MED16: variants seen among roughly 807,000 people sequenced by gnomAD.
MED16 encodes the protein mediator of RNA polymerase II transcription subunit 16.
MED16 carries 81 observed loss-of-function variants against 84.4 expected under a neutral mutation model. That is an observed-to-expected ratio of 0.96 (90% CI 0.80 to 1.15). The LOEUF (loss-of-function observed/expected upper bound fraction) is 1.15. Ranked by LOEUF, MED16 falls within the 50% of genes most tolerant of loss-of-function variation. The pLI, the probability that MED16 is intolerant of heterozygous loss-of-function variation, is 0.00. For missense variants in MED16, 1,585 were observed against 1,245.9 expected (o/e 1.27, Z -4.10); for synonymous variants, 897 against 552.2 (o/e 1.62, Z -8.76).
intron 11 of MED16, chr19:872,882 G>T: frequency 1.2e-6 from 1 of 864,868 alleles, no homozygotes; most frequent in Non-Finnish European, 1.4e-6. Context: ...AGAATGGGCA[G>T]GAAGGGTGTG....
intron 13 of MED16, among the ~76,000 whole-genome samples, chr19:869,455 T>C (rs1390476172): frequency 3.3e-5 from 5 of 152,112 alleles, no homozygotes; most frequent in African/African-American, 9.7e-5. Context: ...TGGGCCGGCT[T>C]ATTCTGCTCT....
Position 877,203 on chromosome 19 carries a change from A to AGAGCCCGGTGAGATGGGGCT in MED16, c.1354-43_1354-24dup. On this transcript the variant is annotated intron_variant, in intron 8 of 15. Transcript: ENST00000325464. ...CAGCTGCCAGAGACAGAGCCCAAGGAGAGCCCGGTGAGATGGGGCTGCGCC... is the reference window on the plus strand; with the variant it reads ...CAGCTGCCAGAGACAGAGCCCAAGGAGAGCCCGGTGAGATGGGGCTGAGCCCGGTGAGATGGGGCTGCGCC... The AGAGCCCGGTGAGATGGGGCT allele has an allele frequency of 3.1e-6, 5 of 1,593,094 alleles. No individual in the cohort carries two copies. The South Asian group carries it at 5.6e-5, about 18-fold the overall frequency.
chr19:885,375 C>T (rs1225270026), intron 5 of MED16, among the ~76,000 whole-genome samples: 2 of 152,070 alleles, frequency 1.3e-5, no homozygotes, highest in Non-Finnish European at 2.9e-5. Flanking sequence ...GCCCTAGGAC[C>T]GGTGGCTGGG....
Position 890,817 on chromosome 19 carries a change from C to T in MED16, c.169+146G>A, listed in dbSNP as rs1000246535. ...CCTCTGTACCCCCAGGAGGCTGAGG[C>T]TCTCACACAAGTTACAGAGGAGGGC... On this transcript the variant is annotated intron_variant, in intron 2 of 15. Transcript: ENST00000325464. The T allele has an allele frequency of 7.0e-6, 6 of 863,252 alleles. No homozygotes were observed. In the East Asian group the frequency reaches 1.2e-4, roughly 17 times the overall value. The allele number at this position is 863,252 out of a possible 1,614,324, so 53.5% of individuals were successfully genotyped here. A position where few individuals can be genotyped will look rare whatever the true frequency, so the allele number is the denominator to read the frequency against.
chr19:885,747 C>T (rs758701379), intron 5 of MED16, 23 bp downstream of exon 5: 15 of 1,596,368 alleles, frequency 9.4e-6, no homozygotes, highest in Middle Eastern at 1.7e-4. Context: ...TGCCAGCCCA[C>T]GTGATGGCCT....
chr19:868,340 G>GTAGCTGAGGA (rs1568315887), intron 15 of MED16, 76 bp downstream of exon 15: 3 of 1,591,266 alleles, frequency 1.9e-6, no homozygotes, highest in South Asian at 1.1e-5. Context: ...GCAGCTGAGG[G>GTAGCTGAGGA]GTAGCTGAGG....
intron 4 of MED16, among the ~76,000 whole-genome samples, chr19:886,854 T>A (rs1482566178): frequency 6.6e-6 from 1 of 152,070 alleles, no homozygotes; most frequent in African/African-American, 2.4e-5. Flanking sequence ...GGCAGGTGGA[T>A]CCCCTGAGGT....
intron 9 of MED16, among the ~76,000 whole-genome samples, chr19:876,665 G>T (rs1047645889): frequency 6.6e-6 from 1 of 151,942 alleles, no homozygotes; most frequent in Non-Finnish European, 1.5e-5. Context: ...TGCCCCTCTT[G>T]CCCTCCGCCT....
At chr19:870,880 G>A (rs1459475052) in intron 13 of MED16, among the ~76,000 whole-genome samples, 157 bp downstream of exon 13, 1 of 148,564 alleles carries the variant, frequency 6.7e-6, no homozygotes, top group African/African-American at 2.5e-5. Flanking sequence ...GTGGATTCGG[G>A]GGGTCCCGGG....
chr19:868,311 G>T (rs1452432671), intron 15 of MED16, 60 bp from the exon 16 acceptor site: 3 of 1,587,436 alleles, frequency 1.9e-6, no homozygotes, highest in Middle Eastern at 3.3e-4. Context: ...GGTGGCTCTT[G>T]CAGCAGCCGG....
At chr19:892,090 G>A (rs892888357) in intron 1 of MED16, among the ~76,000 whole-genome samples, 6 of 152,036 alleles carry the variant, frequency 3.9e-5, no homozygotes, top group Non-Finnish European at 8.8e-5. Context: ...ACAGGGAACA[G>A]AGGGGGCACC....
At chr19:883,835 G>A (rs1361684686) in intron 6 of MED16, among the ~76,000 whole-genome samples, 3 of 152,054 alleles carry the variant, frequency 2.0e-5, no homozygotes, top group African/African-American at 7.2e-5. Flanking sequence ...TCACCACGAG[G>A]CCCAGGGGAA....
At chr19:890,815 G>C (rs1191034363) in intron 2 of MED16, 148 bp downstream of exon 2, 2 of 845,112 alleles carry the variant, frequency 2.4e-6, no homozygotes, top group East Asian at 2.9e-5. Context: ...AGGAGGCTGA[G>C]GCTCTCACAC....
intron 1 of MED16, 123 bp downstream of exon 1, chr19:892,963 T>C (rs147855474): frequency 0.059 from 8,122 of 137,344 alleles, 315 homozygotes; most frequent in Non-Finnish European, 0.088. Flanking sequence ...CCCAGCAGCC[T>C]TTGCTCCCGG....
chr19:881,878 C>T (rs755328735), intron 6 of MED16, among the ~76,000 whole-genome samples, 164 bp from the exon 7 acceptor site: 7 of 152,204 alleles, frequency 4.6e-5, no homozygotes, highest in African/African-American at 7.2e-5. Context: ...CCAATCCGAG[C>T]GCTTCGTGCC....
intron 4 of MED16, among the ~76,000 whole-genome samples, chr19:887,085 C>CA (rs796460298): frequency 0.023 from 2,876 of 125,870 alleles, 78 homozygotes; most frequent in African/African-American, 0.079. Flanking sequence ...GTCTCAAAAA[C>CA]AAAAAAAAAA....
intron 6 of MED16, among the ~76,000 whole-genome samples, chr19:882,273 C>T (rs1473370200): frequency 6.6e-6 from 1 of 152,228 alleles, no homozygotes; most frequent in Non-Finnish European, 1.5e-5. Flanking sequence ...TTTGGGAAGC[C>T]AACGCCAGAG....
chr19:877,093 A>G lies in MED16; in HGVS notation c.1441T>C (p.Cys481Arg), dbSNP rs745502020. 1.6e-5 allele frequency: 25 copies of G among 1,612,586 alleles called. No individual in the cohort carries two copies. The highest frequency in any genetic ancestry group is 1.9e-5 in the Non-Finnish European group (23 of 1,179,922). ...LRHLLFLLEYCMVTGYDWWDI... is the reference protein window; with the variant it reads ...LRHLLFLLEYRMVTGYDWWDI... ...CACCAGTCGTAGCCGGTCACCATGC[A>G]GTACTCCAGCAGGAAGAGCAGGTGC... The change falls in exon 9 of 16, where the codon TGC (cysteine) becomes CGC (arginine). Residue 481 changes from cysteine to arginine, a missense_variant. Transcript: ENST00000325464.
chr19:870,878 G>A lies in MED16; in HGVS notation c.2315+159C>T, dbSNP rs1327825244. ...TGGAGGGAGGGAGCCGTGTGGATTC[G>A]GGGGGTCCCGGGCAGGACATGGAGG... On this transcript the variant is annotated intron_variant, in intron 13 of 15. Transcript: ENST00000325464. Among the ~76,000 whole-genome samples, 18 of 145,480 alleles carry A rather than the reference G, an allele frequency of 1.2e-4. No homozygotes were observed. In the East Asian group the frequency reaches 3.1e-3, roughly 25 times the overall value.
Sources: gnomAD v4.1 joint callset for allele counts (sites outside exome capture counted in the v4.1 genomes callset) on GRCh38, gnomAD v4.1.1 for gene constraint, MANE v1.5 for transcripts, NCBI Gene and HGNC (gene_info 2026-07-23, HGNC 2026-07-21) for gene names.